SPRED2: variants seen among roughly 807,000 people sequenced by gnomAD.
SPRED2 encodes the protein sprouty related EVH1 domain containing 2, also known as sprouty-related, EVH1 domain-containing protein 2.
Under a neutral mutation model 43.0 loss-of-function variants are expected in SPRED2, and 47 were observed. The observed-to-expected ratio is 1.09, with a 90% CI of 0.87 to 1.40. SPRED2 has a LOEUF of 1.40. Among genes scored for constraint, SPRED2 ranks in the 40% most tolerant of loss-of-function variants. The probability of loss-of-function intolerance (pLI) is 0.00; values close to 1 mark genes in which losing one functional copy is unlikely to be tolerated. For synonymous variants in SPRED2, 225 were observed against 225.7 expected (o/e 1.00, Z 0.03); for missense variants, 561 against 586.4 (o/e 0.96, Z 0.45).
chr2:65,308,119 G>A (rs1360968920), downstream of SPRED2, among the ~76,000 whole-genome samples: 2 of 152,260 alleles, frequency 1.3e-5, no homozygotes, highest in Non-Finnish European at 2.9e-5. Context: ...AGGGAAGTGG[G>A]TAGTGGACCA....
chr2:65,319,407 G>T (rs1673344239), intron 4 of SPRED2, among the ~76,000 whole-genome samples: 1 of 152,170 alleles, frequency 6.6e-6, no homozygotes, highest in Non-Finnish European at 1.5e-5. Flanking sequence ...CACGGGTGTG[G>T]GGAAAGGACT....
At chr2:65,309,939 C>T (rs1673025786), downstream of SPRED2, among the ~76,000 whole-genome samples, 3 of 152,174 alleles carry the variant, frequency 2.0e-5, no homozygotes, top group Admixed American at 1.3e-4. Flanking sequence ...TTGGCTAGCC[C>T]AGCTCAGCCT....
chr2:65,308,222 G>T, downstream of SPRED2: 1 of 839,316 alleles, frequency 1.2e-6, no homozygotes, highest in Non-Finnish European at 1.4e-6. Context: ...GTTCAGGCAG[G>T]CAGTACTCTG....
rs1158720336 is a variant in SPRED2 at position 65,313,734 on chromosome 2, A to G, written c.1024T>C (p.Cys342Arg). ...AGCATGCTGTCCGCGCACCACATGC[A>G]GCTCACCCGGCGGATGCAAGTTCTC... ...SVRTCIRRVSCMWCADSMLYH... is the reference protein window; with the variant it reads ...SVRTCIRRVSRMWCADSMLYH... Residue 342 changes from cysteine (C) to arginine (R), a missense_variant, in exon 6 of 6, where the codon TGC becomes CGC. By Grantham distance (180) the Cys-to-Arg change is radical. This residue lies in a region of SPRED2 where 164 missense variants were observed against 164.1 expected (regional missense o/e 1.00). Transcript: ENST00000356388. The G allele has an allele frequency of 1.2e-6, 2 of 1,614,180 alleles. No homozygotes were observed. Among genetic ancestry groups the G allele is most frequent in the African/African-American group, 1.3e-5 (1 of 75,044 alleles).
Position 65,311,990 on chromosome 2 carries a change from C to A in SPRED2, c.*1511G>T. On this transcript the variant is annotated 3_prime_UTR_variant, in exon 6 of 6. Transcript: ENST00000356388. ...GGCCGCTACCACAGAAAGATCGTGG[C>A]GGGAAGAACAGCCGGCGTCCGCAAG... 4.1e-6 allele frequency: 4 copies of A among 985,142 alleles called. No homozygotes were observed. Among genetic ancestry groups the A allele is most frequent in the Non-Finnish European group, 4.8e-6 (4 of 829,858 alleles). 61.0% of individuals were successfully genotyped at this position (985,142 alleles called of 1,614,324 possible).
chr2:65,418,528 TTCTTTC>T lies in SPRED2; in HGVS notation c.26+13428_26+13433del, dbSNP rs1273084727. ...CCCTGGCTGGTGCAGTGATAAATAT[TTCTTTC>T]TTTCTTTCCTTTTTCTTTCTTTCTT... On this transcript the variant is annotated intron_variant, in intron 1 of 5. Transcript: ENST00000356388. Among the ~76,000 whole-genome samples the T allele has an allele frequency of 5.9e-5, 9 of 151,942 alleles. No homozygotes were observed. In the South Asian group the frequency reaches 6.2e-4, roughly 11 times the overall value.
intron 1 of SPRED2, among the ~76,000 whole-genome samples, chr2:65,406,952 G>A (rs1257363604): frequency 2.7e-5 from 4 of 149,616 alleles, no homozygotes; most frequent in African/African-American, 7.4e-5. Flanking sequence ...TTTTTGAGAC[G>A]GAGTCTCGCT....
chr2:65,388,439 C>T (rs1558680365), intron 1 of SPRED2, among the ~76,000 whole-genome samples: 2 of 152,162 alleles, frequency 1.3e-5, no homozygotes, highest in East Asian at 3.9e-4. Flanking sequence ...AGTACCTGCT[C>T]CTACTTGATC....
Position 65,314,032 on chromosome 2 carries a change from G to A in SPRED2, c.726C>T (p.Asp242=). ...RHAPVRGKYP[D]PSEDADSSYV... ...AGGAGGAGTCCGCGTCCTCCGAGGGGTCCGGGTACTTGCCCCTGACGGGTG... is the reference window on the plus strand; with the variant it reads ...AGGAGGAGTCCGCGTCCTCCGAGGGATCCGGGTACTTGCCCCTGACGGGTG... Residue 242 remains aspartate (D), a synonymous_variant, in exon 6 of 6, where the codon GAC becomes GAT. Transcript: ENST00000356388. 1.9e-6 allele frequency: 3 copies of A among 1,614,106 alleles called. No homozygotes were observed. The highest frequency in any genetic ancestry group is 1.7e-5 in the Admixed American group (1 of 60,026).
chr2:65,426,523 A>G (rs1676561506), intron 1 of SPRED2, among the ~76,000 whole-genome samples: 1 of 152,254 alleles, frequency 6.6e-6, no homozygotes, highest in African/African-American at 2.4e-5. Context: ...CTAGCTGGGT[A>G]TAAGCCCAAC....
rs1558644714 is a variant in SPRED2, at chr2:65,313,569, G to A, written c.1189C>T (p.Leu397Phe). ...LAPCMCCYLP[L>F]RACYHCGVMC... Reference sequence around the variant, plus strand: ...ACTCCGCAGTGGTAGCAGGCCCGAAGGGGCAGGTAACAGCACATACAGGGG... The same window carrying A: ...ACTCCGCAGTGGTAGCAGGCCCGAAAGGGCAGGTAACAGCACATACAGGGG... Residue 397 changes from leucine (L) to phenylalanine (F), a missense_variant, in exon 6 of 6, where the codon CTT (leucine) becomes TTT (phenylalanine). Physicochemically the swap from Leu to Phe is conservative, Grantham distance 22. Coordinates refer to ENST00000356388, the MANE Select transcript of SPRED2 (RefSeq NM_181784.3). 6.2e-7 allele frequency: 1 copy of A among 1,614,152 alleles called. No individual in the cohort carries two copies.
intron 4 of SPRED2, among the ~76,000 whole-genome samples, chr2:65,318,125 A>C (rs1673299058): frequency 6.6e-6 from 1 of 151,986 alleles, no homozygotes; most frequent in Admixed American, 6.6e-5. Flanking sequence ...CTCAGATCTG[A>C]TGGTTTTAAA....
intron 1 of SPRED2, among the ~76,000 whole-genome samples, chr2:65,410,330 C>T (rs1424055998): frequency 6.6e-6 from 1 of 152,238 alleles, no homozygotes; most frequent in African/African-American, 2.4e-5. Flanking sequence ...CTCTCGCTCT[C>T]TCTCTGTCTC....
intron 1 of SPRED2, among the ~76,000 whole-genome samples, chr2:65,365,378 A>T (rs1674943537): frequency 6.6e-6 from 1 of 152,264 alleles, no homozygotes; most frequent in Admixed American, 6.5e-5. Flanking sequence ...GGTTTTCCAA[A>T]TTATAGGAAT....
At chr2:65,329,879 A>C (rs1673757225) in intron 4 of SPRED2, among the ~76,000 whole-genome samples, 1 of 152,206 alleles carries the variant, frequency 6.6e-6, no homozygotes. Context: ...AATCCAAGGA[A>C]GGACAACTGA....
At position 65,312,455 on chromosome 2, in the gene SPRED2, G is replaced by C. The variant is rs994873155; in HGVS notation, c.*1046C>G. Reference sequence around the variant, plus strand: ...ATTAATATAAAATAGCCAGGGGTTGGGGGGAAGAAGCTCCCTATGGTTTTA... The same window carrying C: ...ATTAATATAAAATAGCCAGGGGTTGCGGGGAAGAAGCTCCCTATGGTTTTA... On this transcript the variant is annotated 3_prime_UTR_variant, in exon 6 of 6. Coordinates refer to ENST00000356388, the MANE Select transcript of SPRED2 (RefSeq NM_181784.3). 1 of 985,264 alleles carries C rather than the reference G, an allele frequency of 1.0e-6. No homozygotes were observed. Among genetic ancestry groups the C allele is most frequent in the South Asian group, 4.7e-5 (1 of 21,286 alleles). The allele number at this position is 985,264 out of a possible 1,614,324, so 61.0% of individuals were successfully genotyped here.
intron 4 of SPRED2, 99 bp from the exon 5 acceptor site, chr2:65,316,982 T>A: frequency 7.7e-7 from 1 of 1,294,392 alleles, no homozygotes; most frequent in Non-Finnish European, 1.1e-6. Context: ...AGCTATTCCC[T>A]GGTTGTGGCA....
chr2:65,401,931 G>A (rs6726776), intron 1 of SPRED2, among the ~76,000 whole-genome samples: 1,039 of 77,844 alleles, frequency 0.013, 11 homozygotes, highest in African/African-American at 0.059. Context: ...ATATTAGCGC[G>A]CGCGCGCACA....
At chr2:65,424,766 C>T (rs561038319) in intron 1 of SPRED2, among the ~76,000 whole-genome samples, 9 of 68,408 alleles carry the variant, frequency 1.3e-4, no homozygotes, top group East Asian at 1.3e-3. Context: ...TCCTGGGCAA[C>T]GTTAAGAAGA....
Sources: allele counts gnomAD v4.1 joint callset (sites outside exome capture counted in the v4.1 genomes callset), GRCh38; gene constraint gnomAD v4.1.1; regional missense constraint gnomAD v4.1.1; transcripts MANE v1.5; gene names NCBI Gene and HGNC (gene_info 2026-07-23, HGNC 2026-07-21).